LZTR1: variants seen among roughly 807,000 people sequenced by gnomAD.
LZTR1 encodes the protein leucine zipper like post translational regulator 1, also known as leucine-zipper-like transcriptional regulator 1.
A neutral mutation model predicts 105.7 loss-of-function variants in LZTR1; 260 were observed. The ratio of observed to expected loss-of-function variants is 2.46; its 90% CI spans 2.22 to 2.72. The LOEUF (loss-of-function observed/expected upper bound fraction) is 2.72, where lower values mean the gene tolerates loss of function less well. Ranked by LOEUF, LZTR1 falls within the 30% of genes most tolerant of loss-of-function variation. LZTR1 has a pLI of 0.00. For missense variants in LZTR1, 1,214 were observed against 1,166.9 expected (o/e 1.04, Z -0.59); for synonymous variants, 490 against 476.4 (o/e 1.03, Z -0.37).
chr22:20,983,207 C>A, intron 2 of LZTR1, 118 bp downstream of exon 2: 2 of 856,936 alleles, frequency 2.3e-6, no homozygotes, highest in Non-Finnish European at 3.9e-6. Context: ...CTCTAAGCTT[C>A]AGTTTCCCCA....
In LZTR1 at chr22:20,996,743, T is replaced by G. The variant is rs1360345883; in HGVS notation, c.2267T>G (p.Leu756Arg). ...TACTACGGCTTCTACAACAACCGGC[T>G]GCAGGCGTACTGCAAGCAGAACCTG... ...PYYYGFYNNR[L>R]QAYCKQNLEM... Residue 756 changes from leucine (L) to arginine (R), a missense_variant, in exon 19 of 21, where the codon CTG becomes CGG. Coordinates refer to ENST00000646124, the MANE Select transcript of LZTR1 (RefSeq NM_006767.4). The G allele has an allele frequency of 6.2e-7, 1 of 1,613,524 alleles. No homozygotes were observed. The highest frequency in any genetic ancestry group is 8.5e-7 in the Non-Finnish European group (1 of 1,179,992).
At chr22:20,993,876 TG>T in intron 12 of LZTR1, 47 bp from the exon 13 acceptor site, 1 of 1,587,588 alleles carries the variant, frequency 6.3e-7, no homozygotes. Flanking sequence ...CTCTGTTCTC[TG>T]GGGCGAGGGT....
chr22:20,991,664 C>A lies in LZTR1; in HGVS notation c.828C>A (p.Gly276=). 6.2e-7 allele frequency: 1 copy of A among 1,602,812 alleles called. No homozygotes were observed. The highest frequency in any genetic ancestry group is 1.7e-5 in the Admixed American group (1 of 59,268). The change falls in exon 9 of 21, where the codon GGC becomes GGA. Residue 276 remains glycine, a synonymous_variant. Transcript: ENST00000646124. The part of the protein sequence containing the change: ...TRIPTEHLLR[G]SPPPPQRRYG... ...TCCCAACTGAACACCTGCTCCGGGG[C>A]TCCCCACCACCCCCGCAGCGGCGCT...
chr22:20,990,544 G>A lies in LZTR1; in HGVS notation c.791+19G>A. 2 of 1,593,256 alleles carry A rather than the reference G, an allele frequency of 1.3e-6. No individual in the cohort carries two copies. The highest frequency in any genetic ancestry group is 1.7e-6 in the Non-Finnish European group (2 of 1,167,276). On this transcript the variant is annotated intron_variant, in intron 8 of 20. Transcript: ENST00000646124. ...ACAAGACGTGAGTACTCTGGCCAGT[G>A]GGGTGGAGGGAGGACGGTCAGTTCC... is the stretch of plus-strand genomic sequence containing the variant.
intron 16 of LZTR1, 128 bp from the exon 17 acceptor site, chr22:20,995,618 G>T: frequency 8.6e-7 from 1 of 1,163,456 alleles, no homozygotes; most frequent in Non-Finnish European, 1.3e-6. Context: ...CAGGGCGAGT[G>T]AGGCCTTCTG....
Position 20,996,778 on chromosome 22 carries a change from G to GTT in LZTR1, c.2303_2304insTT (p.Thr769Ter). ...CTGCAAGCAGAACCTGGAGATGAAC[G>GTT]TGACGGTGCAGAACGTGCTGCAGGT... On this transcript the variant is annotated frameshift_variant, in exon 19 of 21. Coordinates refer to ENST00000646124, the MANE Select transcript of LZTR1 (RefSeq NM_006767.4). LOFTEE classifies it high-confidence loss of function. 1.9e-6 allele frequency: 3 copies of GTT among 1,613,608 alleles called. No homozygotes were observed. Among genetic ancestry groups the GTT allele is most frequent in the East Asian group, 2.2e-5 (1 of 44,866 alleles).
Position 20,996,714 on chromosome 22 carries a change from C to G in LZTR1, c.2238C>G (p.Pro746=). The change falls in exon 19 of 21, where the codon CCC becomes CCG. Residue 746 remains proline (P), a synonymous_variant. Transcript: ENST00000646124. ...PEDSLYLFAA[P]YYYGFYNNRL... ...GCCCCAGCTACTTGTTTGCGGCCCC[C>G]TACTACTACGGCTTCTACAACAACC... The G allele has an allele frequency of 6.2e-7, 1 of 1,613,622 alleles. No homozygotes were observed. Among genetic ancestry groups the G allele is most frequent in the Non-Finnish European group, 8.5e-7 (1 of 1,179,954 alleles).
rs748233625 is a variant in LZTR1, at chr22:20,997,272, T to TGCTGCTGGACATCATAG, written c.2448_2464dup (p.Asp822GlyfsTer6). ...ACCCTGCGGTCGCTGAGCCAGCAGC[T>TGCTGCTGGACATCATAG]GCTGCTGGACATCATAGACTCCCTG... On this transcript the variant is annotated frameshift_variant, in exon 21 of 21. Transcript: ENST00000646124. LOFTEE classifies it high-confidence loss of function. The TGCTGCTGGACATCATAG allele has an allele frequency of 6.2e-7, 1 of 1,613,494 alleles. No homozygotes were observed. The highest frequency in any genetic ancestry group is 8.5e-7 in the Non-Finnish European group (1 of 1,179,618).
In LZTR1 at chr22:20,992,875, A is replaced by G; in HGVS notation, c.1231A>G (p.Ile411Val). 1.2e-6 allele frequency: 2 copies of G among 1,607,124 alleles called. No homozygotes were observed. The highest frequency in any genetic ancestry group is 1.3e-5 in the African/African-American group (1 of 74,826). Residue 411 changes from isoleucine (I) to valine (V), a missense_variant, in exon 11 of 21, where the codon ATC becomes GTC. Ile to Val is a conservative substitution (Grantham distance 29). Coordinates refer to ENST00000646124, the MANE Select transcript of LZTR1 (RefSeq NM_006767.4). ...CTTCGGGGGCACGGTGGACAACAAC[A>G]TCCGCAGCGGGGAGATGTACAGGTT... ...YIFGGTVDNN[I>V]RSGEMYRFQF... is the part of the protein sequence containing the mutation.
Position 20,987,398 on chromosome 22 carries a change from A to G in LZTR1, c.321-106A>G, listed in dbSNP as rs59283742. 2.6e-3 allele frequency: 1,713 copies of G among 662,242 alleles called. 26 individuals carry two copies. The African/African-American group carries it at 0.027, about 11-fold the overall frequency. The allele number at this position is 662,242 out of a possible 1,614,324, so 41.0% of individuals were successfully genotyped here. On this transcript the variant is annotated intron_variant, in intron 3 of 20. Coordinates refer to ENST00000646124, the MANE Select transcript of LZTR1 (RefSeq NM_006767.4). Reference sequence around the variant, plus strand: ...AGAGAGACTCCGTCTCAAAAAAAAAAAAAAAGAAAAAAGAAAGGCAGCACA... The same window carrying G: ...AGAGAGACTCCGTCTCAAAAAAAAAGAAAAAGAAAAAAGAAAGGCAGCACA...
At chr22:20,991,419 G>T (rs1331644466) in intron 8 of LZTR1, 4 of 578,944 alleles carry the variant, frequency 6.9e-6, no homozygotes, top group African/African-American at 1.9e-5. Context: ...GGACCCTGCG[G>T]TGGGCCACAT....
chr22:20,985,651 C>T (rs929679904), intron 2 of LZTR1, among the ~76,000 whole-genome samples, 190 bp from the exon 3 acceptor site: 11 of 152,156 alleles, frequency 7.2e-5, no homozygotes, highest in African/African-American at 2.7e-4. Context: ...GCCCTGGTGC[C>T]CATATCAGTT....
chr22:20,987,455 C>T, intron 3 of LZTR1, 49 bp from the exon 4 acceptor site: 3 of 1,082,216 alleles, frequency 2.8e-6, no homozygotes, highest in South Asian at 1.2e-5. Context: ...GGGGTGTGGA[C>T]CTCATGGGTG....
chr22:20,993,992 C>T lies in LZTR1; in HGVS notation c.1422C>T (p.Ile474=). 6.2e-7 allele frequency: 1 copy of T among 1,611,566 alleles called. No individual in the cohort carries two copies. Among genetic ancestry groups the T allele is most frequent in the South Asian group, 1.1e-5 (1 of 90,634 alleles). ...GGAGCCGCTGGCTTCGCAGGAAGAT[C>T]ACGCAGGCGCGGGAGAGGCTGGCCC... ...TARSRWLRRK[I]TQARERLAQK... is the part of the protein sequence containing the mutation. Residue 474 remains isoleucine (I), a synonymous_variant, in exon 13 of 21, where the codon ATC becomes ATT. Coordinates refer to ENST00000646124, the MANE Select transcript of LZTR1 (RefSeq NM_006767.4).
At position 20,990,379 on chromosome 22, in the gene LZTR1, C is replaced by A. The variant is rs781553741; in HGVS notation, c.652-7C>A. On this transcript the variant is annotated splice_region_variant and splice_polypyrimidine_tract_variant and intron_variant, in intron 7 of 20. Coordinates refer to ENST00000646124, the MANE Select transcript of LZTR1 (RefSeq NM_006767.4). ...GGCCGGGGCTGAGCTGTCCTCTCCC[C>A]CTGCAGGTGGCCCAGAGTGGCGAGA... 6 of 1,613,932 alleles carry A rather than the reference C, an allele frequency of 3.7e-6. No individual in the cohort carries two copies. Among genetic ancestry groups the A allele is most frequent in the Non-Finnish European group, 5.1e-6 (6 of 1,180,014 alleles).
rs747710478 is a variant in LZTR1, at chr22:20,994,856, C to G, written c.1786-14C>G. The G allele has an allele frequency of 6.2e-7, 1 of 1,612,586 alleles. No individual in the cohort carries two copies. Among genetic ancestry groups the G allele is most frequent in the Non-Finnish European group, 8.5e-7 (1 of 1,179,656 alleles). On this transcript the variant is annotated splice_polypyrimidine_tract_variant and intron_variant, in intron 15 of 20. Transcript: ENST00000646124. The stretch of plus-strand genomic sequence containing the variant: ...GCTTGACTCTGCCTGCCTGCCTGTG[C>G]CTGTCTGCCCCAGGAGCACTGCCTG...
rs2269779 is a variant in LZTR1, at chr22:20,988,220, C to T, written c.509+102C>T. On this transcript the variant is annotated intron_variant, in intron 5 of 20. Coordinates refer to ENST00000646124, the MANE Select transcript of LZTR1 (RefSeq NM_006767.4). ...CTCCCAGATGAGGACCCTGAGGGCA[C>T]GCAATAGCAGGGAGCTTGGGATTGG... The T allele has an allele frequency of 0.17, 125,484 of 719,010 alleles. 12,806 individuals are homozygous for T. Among genetic ancestry groups the T allele is most frequent in the South Asian group, 0.32 (19,523 of 60,432 alleles). 44.5% of individuals were successfully genotyped at this position (719,010 alleles called of 1,614,324 possible). A position where few individuals can be genotyped will look rare whatever the true frequency, so the allele number is the denominator to read the frequency against.
At chr22:20,991,281 C>T (rs1369605472) in intron 8 of LZTR1, 6 of 271,020 alleles carry the variant, frequency 2.2e-5, no homozygotes, top group Non-Finnish European at 4.2e-5. Context: ...GCAGCGTGAA[C>T]ACAGTGACCT....
At chr22:20,995,069 G>A in intron 16 of LZTR1, 43 bp downstream of exon 16, 2 of 1,572,204 alleles carry the variant, frequency 1.3e-6, no homozygotes, top group South Asian at 2.3e-5. Flanking sequence ...GGGAGGGATG[G>A]TGTTCATCTG....
Sources: allele counts gnomAD v4.1 joint callset (sites outside exome capture counted in the v4.1 genomes callset), GRCh38; gene constraint gnomAD v4.1.1; transcripts MANE v1.5; gene names NCBI Gene and HGNC (gene_info 2026-07-23, HGNC 2026-07-21).